The following ADGRG5 variants were observed in gnomAD, a reference collection of about 807,000 sequenced individuals.
The protein encoded by ADGRG5 is G protein-coupled receptor 114.
ADGRG5 carries 37 observed loss-of-function variants against 53.2 expected under a neutral mutation model. The observed-to-expected ratio is 0.70, with a 90% CI of 0.53 to 0.91. The LOEUF is 0.91. ADGRG5 is among the 40% of genes least tolerant of loss of function. The pLI is 0.00. For missense variants in ADGRG5, 614 were observed against 675.8 expected, an observed-to-expected ratio of 0.91 and a Z score of 1.01; for synonymous variants, 277 against 290.4, an observed-to-expected ratio of 0.95 and a Z score of 0.47.
chr16:57,564,304 C>A (rs984098141), intron 5 of ADGRG5, among the ~76,000 whole-genome samples: 1 of 151,280 alleles, frequency 6.6e-6, no homozygotes, highest in African/African-American at 2.5e-5. Flanking sequence ...TAGACTAAGA[C>A]CTTACAGATT....
At chr16:57,546,805 A>G (rs548595819) in intron 1 of ADGRG5, among the ~76,000 whole-genome samples, 4 of 152,052 alleles carry the variant, frequency 2.6e-5, no homozygotes, top group African/African-American at 9.6e-5. Context: ...TGCAGCCTCA[A>G]CCTCCCGGGC....
chr16:57,557,664 C>T (rs2032913353), intron 1 of ADGRG5, among the ~76,000 whole-genome samples: 1 of 152,142 alleles, frequency 6.6e-6, no homozygotes, highest in East Asian at 1.9e-4. Context: ...TATTTTCACT[C>T]TTCTTACTCT....
chr16:57,563,969 A>T lies in ADGRG5; in HGVS notation c.419A>T (p.His140Leu), dbSNP rs1365701459. The T allele has an allele frequency of 6.2e-7, 1 of 1,612,272 alleles. No individual in the cohort carries two copies. The highest frequency in any genetic ancestry group is 1.1e-5 in the South Asian group (1 of 91,000). The change falls in exon 5 of 12, where the codon CAC becomes CTC. Residue 140 changes from histidine to leucine, a missense_variant. His to Leu is a moderately conservative substitution (Grantham distance 99). Coordinates refer to ENST00000349457, the MANE Select transcript of ADGRG5 (RefSeq NM_001304376.3). ...RLICIYFSNT[H>L]FFKDENNSSL... is the part of the protein sequence containing the mutation. Reference sequence around the variant, plus strand: ...ATCTGTATCTACTTCTCCAACACCCACTTTTTCAAGGTCAGTGTGATGGCG... The same window carrying T: ...ATCTGTATCTACTTCTCCAACACCCTCTTTTTCAAGGTCAGTGTGATGGCG...
chr16:57,552,742 C>T (rs1329532328), intron 1 of ADGRG5, among the ~76,000 whole-genome samples: 1 of 152,196 alleles, frequency 6.6e-6, no homozygotes, highest in East Asian at 1.9e-4. Context: ...GCATTCATAA[C>T]TTTGTGAACT....
chr16:57,544,311 A>G (rs2032564624), intron 1 of ADGRG5, among the ~76,000 whole-genome samples: 1 of 152,080 alleles, frequency 6.6e-6, no homozygotes. Context: ...GGCCACAAAT[A>G]ATGAATTGCA....
At position 57,570,284 on chromosome 16, in the gene ADGRG5, T is replaced by A. The variant is rs1206559967; in HGVS notation, c.1091-134T>A. On this transcript the variant is annotated intron_variant, in intron 9 of 11. Coordinates refer to ENST00000349457, the MANE Select transcript of ADGRG5 (RefSeq NM_001304376.3). ...AACCACCAGGCTCATTGCTCTGAAG[T>A]TGGGGGCTCACAACAGTCTCCTCTC... 1.5e-5 allele frequency: 9 copies of A among 590,240 alleles called. No homozygotes were observed. The East Asian group carries it at 2.5e-4, about 17-fold the overall frequency. 36.6% of individuals were successfully genotyped at this position (590,240 alleles called of 1,614,324 possible).
upstream of ADGRG5, among the ~76,000 whole-genome samples, chr16:57,539,970 G>C (rs564315621): frequency 5.9e-5 from 9 of 152,328 alleles, no homozygotes; most frequent in East Asian, 1.7e-3. Flanking sequence ...GCGGGGCACA[G>C]TGGCTCACAC....
At chr16:57,536,133 G>C in the ADGRG5 span, among the ~76,000 whole-genome samples, 2 of 151,750 alleles carry the variant, frequency 1.3e-5, no homozygotes, top group Non-Finnish European at 2.9e-5. Context: ...GGCCAGCGCC[G>C]CCCGTCCATC....
At chr16:57,545,695 G>A (rs1201100268) in intron 1 of ADGRG5, among the ~76,000 whole-genome samples, 2 of 152,192 alleles carry the variant, frequency 1.3e-5, no homozygotes, top group African/African-American at 4.8e-5. Context: ...ATATTCTAAT[G>A]TTGTAGGAAT....
the ADGRG5 span, among the ~76,000 whole-genome samples, chr16:57,536,082 G>A: frequency 2.0e-5 from 3 of 151,644 alleles, no homozygotes; most frequent in African/African-American, 7.2e-5. Context: ...GGCCCCCATT[G>A]GCAGTCGCCG....
At chr16:57,548,923 G>A (rs940087017) in intron 1 of ADGRG5, among the ~76,000 whole-genome samples, 3 of 152,102 alleles carry the variant, frequency 2.0e-5, no homozygotes, top group Non-Finnish European at 2.9e-5. Flanking sequence ...ACAGGTTTTT[G>A]TGTGAACACG....
At chr16:57,572,378 G>A (rs943496344) in intron 10 of ADGRG5, among the ~76,000 whole-genome samples, 3 of 152,182 alleles carry the variant, frequency 2.0e-5, no homozygotes, top group Admixed American at 6.5e-5. Context: ...GGGAGGCTGA[G>A]GCAGGAGAAT....
chr16:57,541,578 T>C (rs1296729530), upstream of ADGRG5, among the ~76,000 whole-genome samples: 1 of 152,144 alleles, frequency 6.6e-6, no homozygotes, highest in Non-Finnish European at 1.5e-5. Context: ...ACCTGCAAGC[T>C]GTATTTGGGC....
chr16:57,546,921 A>G (rs1199268989), intron 1 of ADGRG5, among the ~76,000 whole-genome samples: 1 of 152,178 alleles, frequency 6.6e-6, no homozygotes, highest in Non-Finnish European at 1.5e-5. Flanking sequence ...TGTGTTGCCC[A>G]GGGTGGTCTC....
chr16:57,536,284 AC>A, the ADGRG5 span, among the ~76,000 whole-genome samples: 3 of 134,702 alleles, frequency 2.2e-5, no homozygotes, highest in South Asian at 8.2e-4. Context: ...GCCCCTCCCC[AC>A]CGGAGACCTG....
chr16:57,557,151 C>T (rs1322851652), intron 1 of ADGRG5, among the ~76,000 whole-genome samples: 2 of 152,158 alleles, frequency 1.3e-5, no homozygotes, highest in Non-Finnish European at 2.9e-5. Context: ...CTCAAGCGAT[C>T]TACCCACCTC....
At chr16:57,537,810 A>G (rs2032426700), upstream of ADGRG5, among the ~76,000 whole-genome samples, 1 of 152,090 alleles carries the variant, frequency 6.6e-6, no homozygotes, top group Non-Finnish European at 1.5e-5. Context: ...TTTGCTTTGT[A>G]TTTGTTATGC....
At chr16:57,569,504 C>T (rs1264638973) in intron 9 of ADGRG5, among the ~76,000 whole-genome samples, 17 of 152,024 alleles carry the variant, frequency 1.1e-4, no homozygotes, top group Admixed American at 5.2e-4. Flanking sequence ...ACCTCCTCCA[C>T]CTCCATCATC....
intron 1 of ADGRG5, among the ~76,000 whole-genome samples, chr16:57,556,584 A>G (rs2032887112): frequency 6.6e-6 from 1 of 152,156 alleles, no homozygotes; most frequent in African/African-American, 2.4e-5. Context: ...GAACCTCACA[A>G]CCAAATACTT....
Sources: allele counts gnomAD v4.1 joint callset (sites outside exome capture counted in the v4.1 genomes callset), GRCh38; gene constraint gnomAD v4.1.1; transcripts MANE v1.5; gene names NCBI Gene and HGNC (gene_info 2026-07-23, HGNC 2026-07-21).